SLC16A1: variants seen among roughly 807,000 people sequenced by gnomAD.
SLC16A1 encodes monocarboxylate transporter 1.
SLC16A1 carries 11 observed loss-of-function variants against 32.2 expected under a neutral mutation model. The ratio of observed to expected loss-of-function variants is 0.34; its 90% CI spans 0.21 to 0.56. The LOEUF (loss-of-function observed/expected upper bound fraction) is 0.56, where lower values mean the gene tolerates loss of function less well. Among genes scored for constraint, SLC16A1 ranks in the 20% least tolerant of loss-of-function variants. SLC16A1 has a pLI of 0.87. For synonymous variants in SLC16A1, 231 were observed against 226.8 expected (o/e 1.02, Z -0.17); for missense variants, 435 against 615.0 (o/e 0.71, Z 3.10).
chr1:112,947,480 A>G (rs1232213523), intron 1 of SLC16A1, among the ~76,000 whole-genome samples: 2 of 152,242 alleles, frequency 1.3e-5, no homozygotes, highest in African/African-American at 2.4e-5. Flanking sequence ...AACAACAGAG[A>G]AAGCTTTTCC....
At chr1:112,931,038 T>C (rs983127353) in intron 1 of SLC16A1, among the ~76,000 whole-genome samples, 2 of 152,178 alleles carry the variant, frequency 1.3e-5, no homozygotes, top group Non-Finnish European at 2.9e-5. Context: ...CAGGTTTTAA[T>C]ATAGCCTTTA....
chr1:112,945,866 C>T (rs1253080546), intron 1 of SLC16A1, among the ~76,000 whole-genome samples: 1 of 151,908 alleles, frequency 6.6e-6, no homozygotes, highest in African/African-American at 2.4e-5. Flanking sequence ...GTGGCGCACG[C>T]CTGTAATCTC....
chr1:112,917,911 A>G lies in SLC16A1; in HGVS notation c.495T>C (p.Asn165=). ...PVFLCTLAPL[N]QVFFGIFGWR... is the part of the protein sequence containing the mutation. The stretch of plus-strand genomic sequence containing the variant: ...ATCCAAAGATACCGAAGAAAACCTG[A>G]TTGAGGGGGGCCAGAGTACAGAGGA... Residue 165 remains asparagine (N), a synonymous_variant, in exon 4 of 5, where the codon AAT becomes AAC. Transcript: ENST00000369626. This position sits in a 1 kb window ranked among gnomAD's most constrained non-coding sequence, Gnocchi z 4.1. 6.2e-7 allele frequency: 1 copy of G among 1,606,510 alleles called. No homozygotes were observed. The highest frequency in any genetic ancestry group is 8.5e-7 in the Non-Finnish European group (1 of 1,176,808).
Position 112,917,671 on chromosome 1 carries a change from G to T in SLC16A1, c.735C>A (p.Val245=). The change falls in exon 4 of 5, where the codon GTC becomes GTA. Residue 245 remains valine, a synonymous_variant. Coordinates refer to ENST00000369626, the MANE Select transcript of SLC16A1 (RefSeq NM_003051.4). This position sits in a 1 kb window ranked among gnomAD's most constrained non-coding sequence, Gnocchi z 4.1. The part of the protein sequence containing the change: ...GRHPKQEKRS[V]FQTINQFLDL... ...CCAGGAACTGATTAATTGTTTGGAA[G>T]ACTGATCGTTTCTCTTGTTTAGGGT... 6.2e-7 allele frequency: 1 copy of T among 1,614,230 alleles called. No homozygotes were observed. The highest frequency in any genetic ancestry group is 8.5e-7 in the Non-Finnish European group (1 of 1,180,044).
chr1:112,954,718 T>C (rs1650015196), intron 1 of SLC16A1, among the ~76,000 whole-genome samples: 1 of 152,186 alleles, frequency 6.6e-6, no homozygotes, highest in Admixed American at 6.5e-5. Context: ...TGCAATCTGA[T>C]GAAACAACAG....
intron 1 of SLC16A1, among the ~76,000 whole-genome samples, chr1:112,953,680 G>C (rs1198066090): frequency 6.6e-6 from 1 of 152,018 alleles, no homozygotes; most frequent in East Asian, 1.9e-4. Flanking sequence ...GTAAAATTCA[G>C]CTCTTGCATT....
At chr1:112,916,483 ACCAAGACTGTC>A (rs1164844311) in intron 4 of SLC16A1, among the ~76,000 whole-genome samples, 1 of 137,768 alleles carries the variant, frequency 7.3e-6, no homozygotes, top group Non-Finnish European at 1.5e-5. Context: ...GGGCAACAAG[ACCAAGACTGTC>A]TTAAAAAAAA....
chr1:112,923,762 G>A, intron 2 of SLC16A1: 1 of 1,514,424 alleles, frequency 6.6e-7, no homozygotes, highest in South Asian at 1.1e-5. Context: ...GCAAGTTCCT[G>A]GATCTTGGCC....
chr1:112,949,547 A>C (rs1312879876), intron 1 of SLC16A1, among the ~76,000 whole-genome samples: 1 of 152,178 alleles, frequency 6.6e-6, no homozygotes, highest in Non-Finnish European at 1.5e-5. Flanking sequence ...GTGTTGCTTC[A>C]CAGGTTCTGG....
chr1:112,931,023 T>C (rs919619447), intron 1 of SLC16A1, among the ~76,000 whole-genome samples: 58 of 152,148 alleles, frequency 3.8e-4, no homozygotes, highest in African/African-American at 1.4e-3. Context: ...CCAGCCCCAA[T>C]GCTACAGGTT....
intron 2 of SLC16A1, chr1:112,924,408 T>C (rs1413454516): frequency 2.8e-6 from 3 of 1,074,210 alleles, no homozygotes; most frequent in South Asian, 1.3e-5. Flanking sequence ...ACACTTTCTT[T>C]AATTTAGAAG....
intron 1 of SLC16A1, among the ~76,000 whole-genome samples, chr1:112,953,137 A>T (rs1029925801): frequency 6.9e-6 from 1 of 145,778 alleles, no homozygotes; most frequent in Non-Finnish European, 1.5e-5. Flanking sequence ...GGTTATCCCC[A>T]GCCCCACTGA....
intron 4 of SLC16A1, among the ~76,000 whole-genome samples, chr1:112,916,496 T>TA (rs570173297): frequency 0.04 from 2,473 of 61,138 alleles, 133 homozygotes; most frequent in East Asian, 0.1. Flanking sequence ...AAGACTGTCT[T>TA]AAAAAAAAAA....
intron 1 of SLC16A1, among the ~76,000 whole-genome samples, chr1:112,934,363 A>C (rs1300872380): frequency 2.0e-5 from 3 of 152,206 alleles, no homozygotes; most frequent in Non-Finnish European, 4.4e-5. Flanking sequence ...ATTTTAGATA[A>C]GGGATAGAAA....
At chr1:112,945,195 C>T (rs1158043630) in intron 1 of SLC16A1, among the ~76,000 whole-genome samples, 3 of 151,642 alleles carry the variant, frequency 2.0e-5, no homozygotes, top group Non-Finnish European at 4.4e-5. Flanking sequence ...GGTAGGGTTT[C>T]GCCCTGTTTG....
intron 2 of SLC16A1, among the ~76,000 whole-genome samples, chr1:112,922,693 T>C (rs1022340699): frequency 2.0e-5 from 3 of 152,192 alleles, no homozygotes; most frequent in African/African-American, 7.2e-5. Flanking sequence ...GAGAATGGCT[T>C]GAACCTGGGA....
At chr1:112,926,444 G>A (rs534585779) in intron 2 of SLC16A1, among the ~76,000 whole-genome samples, 4 of 152,242 alleles carry the variant, frequency 2.6e-5, no homozygotes, top group Admixed American at 6.5e-5. Flanking sequence ...CTAGCTGGGC[G>A]TAGTGGTACA....
intron 3 of SLC16A1, among the ~76,000 whole-genome samples, chr1:112,921,433 G>A (rs887520326): frequency 2.6e-5 from 4 of 151,988 alleles, no homozygotes; most frequent in Non-Finnish European, 5.9e-5. Context: ...CAAAAATCTG[G>A]TTATAAAATA....
chr1:112,913,751 C>T lies in SLC16A1; in HGVS notation c.*140G>A. 9.5e-7 allele frequency: 1 copy of T among 1,054,534 alleles called. No homozygotes were observed. The highest frequency in any genetic ancestry group is 1.8e-5 in the Admixed American group (1 of 55,058). The allele number at this position is 1,054,534 out of a possible 1,614,324, so 65.3% of individuals were successfully genotyped here. ...ATTGGTAAGGAGTCAAACAAAAATCCCATCAATGAACAACTGGTATGATTT... is the reference window on the plus strand; with the variant it reads ...ATTGGTAAGGAGTCAAACAAAAATCTCATCAATGAACAACTGGTATGATTT... On this transcript the variant is annotated 3_prime_UTR_variant, in exon 5 of 5. Coordinates refer to ENST00000369626, the MANE Select transcript of SLC16A1 (RefSeq NM_003051.4).
Sources: allele counts gnomAD v4.1 joint callset (sites outside exome capture counted in the v4.1 genomes callset), GRCh38; gene constraint gnomAD v4.1.1; non-coding constraint Gnocchi (gnomAD v3.1); transcripts MANE v1.5; gene names NCBI Gene and HGNC (gene_info 2026-07-23, HGNC 2026-07-21).